Variants in CDHR1 observed in about 807,000 individuals in gnomAD.
CDHR1 encodes cadherin-related family member 1.
A neutral mutation model predicts 72.1 loss-of-function variants in CDHR1; 61 were observed. That is an observed-to-expected ratio of 0.85 (90% confidence interval 0.69 to 1.05). The LOEUF (loss-of-function observed/expected upper bound fraction) is 1.05. Ranked by LOEUF, CDHR1 falls within the 50% of genes least tolerant of loss-of-function variation. CDHR1 has a pLI of 0.00. For missense variants in CDHR1, 1,186 were observed against 1,115.7 expected, an observed-to-expected ratio of 1.06 and a Z score of -0.90; for synonymous variants, 470 against 448.1, an observed-to-expected ratio of 1.05 and a Z score of -0.62.
intron 10 of CDHR1, among the ~76,000 whole-genome samples, chr10:84,207,371 G>T (rs1354027165): frequency 2.0e-5 from 3 of 152,030 alleles, no homozygotes; most frequent in Non-Finnish European, 4.4e-5. Flanking sequence ...GAAGGAGAAA[G>T]AGTAGCAGTG....
chr10:84,211,867 AG>A, intron 14 of CDHR1, 152 bp downstream of exon 14: 2 of 771,202 alleles, frequency 2.6e-6, no homozygotes, highest in Non-Finnish European at 4.4e-6. Flanking sequence ...GCTGAAGCAG[AG>A]GGTGAGGAAG....
At position 84,215,896 on chromosome 10, in the gene CDHR1, G is replaced by A. The variant is rs1484395913; in HGVS notation, c.*1275G>A. On this transcript the variant is annotated 3_prime_UTR_variant, in exon 17 of 17. Transcript: ENST00000623527. ...ACCGTCCTGGCCAGCTACCGTCAGA[G>A]AGAACCAGAGCTCCAAGTCTTTAAT... 4 of 985,306 alleles carry A rather than the reference G, an allele frequency of 4.1e-6. No individual in the cohort carries two copies. The highest frequency in any genetic ancestry group is 4.8e-6 in the Non-Finnish European group (4 of 829,978). The allele number at this position is 985,306 out of a possible 1,614,324, so 61.0% of individuals were successfully genotyped here.
intron 10 of CDHR1, among the ~76,000 whole-genome samples, 160 bp downstream of exon 10, chr10:84,206,087 G>T (rs2132815275): frequency 6.6e-6 from 1 of 152,214 alleles, no homozygotes; most frequent in Non-Finnish European, 1.5e-5. Context: ...CACAAACAGG[G>T]AGTCACAGAA....
intron 1 of CDHR1, 68 bp from the exon 2 acceptor site, chr10:84,195,426 C>G (rs1204409332): frequency 2.1e-6 from 3 of 1,428,018 alleles, no homozygotes; most frequent in East Asian, 2.4e-5. Context: ...CGCGCTGGTG[C>G]GAAGCTCCCT....
chr10:84,202,016 C>A, intron 7 of CDHR1, 96 bp downstream of exon 7: 3 of 883,080 alleles, frequency 3.4e-6, no homozygotes, highest in Non-Finnish European at 5.5e-6. Flanking sequence ...GTTTGGAGAG[C>A]AGGAGACATG....
At chr10:84,218,877 G>A (rs1486230000), downstream of CDHR1, among the ~76,000 whole-genome samples, 5 of 152,242 alleles carry the variant, frequency 3.3e-5, no homozygotes, top group East Asian at 9.6e-4. Context: ...ACAAACTGAT[G>A]TAGATGCCTG....
Position 84,218,480 on chromosome 10 carries a change from G to T in CDHR1, c.*3859G>T. On this transcript the variant is annotated 3_prime_UTR_variant, in exon 17 of 17. Coordinates refer to ENST00000623527, the MANE Select transcript of CDHR1 (RefSeq NM_033100.4). ...ATCTTCTGTGCCAGGCTCTCTTCTA[G>T]GTGTTAGGTGTATGTCTCTAACAAG... The T allele has an allele frequency of 2.0e-6, 2 of 985,364 alleles. No homozygotes were observed. Among genetic ancestry groups the T allele is most frequent in the East Asian group, 2.3e-4 (2 of 8,812 alleles). 61.0% of individuals were successfully genotyped at this position (985,364 alleles called of 1,614,324 possible). A position where few individuals can be genotyped will look rare whatever the true frequency, so the allele number is the denominator to read the frequency against.
chr10:84,214,393 A>C lies in CDHR1; in HGVS notation c.2352A>C (p.Glu784Asp), dbSNP rs1239649048. 1 of 1,613,914 alleles carries C rather than the reference A, an allele frequency of 6.2e-7. No individual in the cohort carries two copies. Among genetic ancestry groups the C allele is most frequent in the Admixed American group, 1.7e-5 (1 of 60,012 alleles). Residue 784 changes from glutamate to aspartate, a missense_variant, in exon 17 of 17, where the codon GAA becomes GAC. Physicochemically the swap from Glu to Asp is conservative, Grantham distance 45 (BLOSUM62 2). Coordinates refer to ENST00000623527, the MANE Select transcript of CDHR1 (RefSeq NM_033100.4). Reference sequence around the variant, plus strand: ...AGAACTGTAACAACAACAGCCCAGAAAGCTCTCTGCTCCCGAGAGCTCCGG... The same window carrying C: ...AGAACTGTAACAACAACAGCCCAGACAGCTCTCTGCTCCCGAGAGCTCCGG... The part of the protein sequence containing the change: ...PNENCNNNSP[E>D]SSLLPRAPAL...
chr10:84,208,697 T>A (rs200149617), intron 11 of CDHR1, 32 bp from the exon 12 acceptor site: 5 of 1,606,454 alleles, frequency 3.1e-6, no homozygotes, highest in Non-Finnish European at 4.3e-6. Flanking sequence ...TCATCATTCA[T>A]CTTCCTTGTT....
Position 84,218,636 on chromosome 10 carries a change from C to T in CDHR1, c.*4015C>T. On this transcript the variant is annotated 3_prime_UTR_variant, in exon 17 of 17. Coordinates refer to ENST00000623527, the MANE Select transcript of CDHR1 (RefSeq NM_033100.4). ...ATGTCTCCTCAATCAAAGGCATTTG[C>T]CTTAAACTTGTATGGTCTAAACTCT... 1.0e-6 allele frequency: 1 copy of T among 985,826 alleles called. No homozygotes were observed. Among genetic ancestry groups the T allele is most frequent in the Non-Finnish European group, 1.2e-6 (1 of 830,228 alleles). 61.1% of individuals were successfully genotyped at this position (985,826 alleles called of 1,614,324 possible).
At chr10:84,206,012 G>A in intron 10 of CDHR1, 85 bp downstream of exon 10, 1 of 986,002 alleles carries the variant, frequency 1.0e-6, no homozygotes, top group Non-Finnish European at 1.6e-6. Context: ...CCTTTTTCCT[G>A]GGGCCCATAG....
rs1307388879 is a variant in CDHR1, at chr10:84,205,909, G to C, written c.945G>C (p.Val315=). 4 of 1,613,576 alleles carry C rather than the reference G, an allele frequency of 2.5e-6. No homozygotes were observed. Among genetic ancestry groups the C allele is most frequent in the Non-Finnish European group, 3.4e-6 (4 of 1,179,630 alleles). Residue 315 remains valine (V), a synonymous_variant, in exon 10 of 17, where the codon GTG becomes GTC. Transcript: ENST00000623527. ...TQSPAQLQRE[V]YELHVQVTEM... ...GCCCGGCCCAGCTCCAGAGAGAGGT[G>C]TATGAGCTGCATGTACAGGTACCCT...
Position 84,208,499 on chromosome 10 carries a change from T to C in CDHR1, c.1167+122T>C, listed in dbSNP as rs545270435. ...AGCCGGGACCAGGTGGGCCACAAAA[T>C]GAATGAAACAAGAAGTTGTAACCAA... On this transcript the variant is annotated intron_variant, in intron 11 of 16. Transcript: ENST00000623527. The C allele has an allele frequency of 5.7e-5, 66 of 1,150,362 alleles. No individual in the cohort carries two copies. In the African/African-American group the frequency reaches 9.6e-4, roughly 17 times the overall value. 71.3% of individuals were successfully genotyped at this position (1,150,362 alleles called of 1,614,324 possible).
intron 12 of CDHR1, 140 bp downstream of exon 12, chr10:84,209,021 C>G (rs1842282264): frequency 1.0e-6 from 1 of 958,158 alleles, no homozygotes; most frequent in Non-Finnish European, 1.6e-6. Flanking sequence ...CCCTCTGCCC[C>G]TCCTGCAGAT....
chr10:84,211,258 C>T, intron 13 of CDHR1, 93 bp downstream of exon 13: 1 of 1,345,960 alleles, frequency 7.4e-7, no homozygotes, highest in Non-Finnish European at 1.1e-6. Context: ...AGTGGCAGAA[C>T]CCACACTCAT....
At chr10:84,211,278 T>A in intron 13 of CDHR1, 113 bp downstream of exon 13, 1 of 1,114,268 alleles carries the variant, frequency 9.0e-7, no homozygotes, top group South Asian at 1.4e-5. Context: ...TTAGCTGTCC[T>A]TGGACAAGCT....
downstream of CDHR1, chr10:84,218,723 T>C (rs528392790): frequency 1.1e-4 from 107 of 993,792 alleles, no homozygotes; most frequent in Non-Finnish European, 1.2e-4. Context: ...CTTTTCAACA[T>C]GAATTAAACA....
chr10:84,194,717 C>T lies in CDHR1; in HGVS notation c.-44C>T, dbSNP rs1466922348. On this transcript the variant is annotated 5_prime_UTR_variant, in exon 1 of 17. Transcript: ENST00000623527. Reference sequence around the variant, plus strand: ...CCAGGGCATGCTCCGTGCCCCTGCGCCCGGTCTCGGCGGCGGCAGGCGACA... The same window carrying T: ...CCAGGGCATGCTCCGTGCCCCTGCGTCCGGTCTCGGCGGCGGCAGGCGACA... 6.2e-6 allele frequency: 9 copies of T among 1,450,908 alleles called. No individual in the cohort carries two copies. The highest frequency in any genetic ancestry group is 1.5e-5 in the African/African-American group (1 of 67,160). 89.9% of individuals were successfully genotyped at this position (1,450,908 alleles called of 1,614,324 possible).
chr10:84,214,611 C>CT lies in CDHR1; in HGVS notation c.2572dup (p.Tyr858LeufsTer8). 2 of 1,599,762 alleles carry CT rather than the reference C, an allele frequency of 1.3e-6. No homozygotes were observed. The highest frequency in any genetic ancestry group is 1.7e-6 in the Non-Finnish European group (2 of 1,179,880). On this transcript the variant is annotated frameshift_variant, in exon 17 of 17. Coordinates refer to ENST00000623527, the MANE Select transcript of CDHR1 (RefSeq NM_033100.4). LOFTEE classifies it high-confidence loss of function. The stretch of plus-strand genomic sequence containing the variant: ...GAGAAGAAGAGTGTGCACAACAAGG[C>CT]TTACTTCTAGTGTATGCCCTATGAC...
Sources: gnomAD v4.1 joint callset for allele counts (sites outside exome capture counted in the v4.1 genomes callset) on GRCh38, gnomAD v4.1.1 for gene constraint, MANE v1.5 for transcripts, NCBI Gene and HGNC (gene_info 2026-07-23, HGNC 2026-07-21) for gene names.